The following ATG7 variants were observed in gnomAD, a reference collection of about 807,000 sequenced individuals.
ATG7 encodes autophagy related 7, also known as ubiquitin-like modifier-activating enzyme ATG7.
ATG7 carries 70 observed loss-of-function variants against 82.4 expected under a neutral mutation model. The observed-to-expected ratio is 0.85, with a 90% CI of 0.70 to 1.04. ATG7 has a LOEUF of 1.04. Ranked by LOEUF, ATG7 falls within the 50% of genes least tolerant of loss-of-function variation. The pLI, the probability that ATG7 is intolerant of heterozygous loss-of-function variation, is 0.00. For missense variants in ATG7, 792 were observed against 864.3 expected (o/e 0.92, Z 1.05); for synonymous variants, 287 against 313.0 (o/e 0.92, Z 0.88).
chr3:11,462,741 C>T (rs535333239), intron 20 of ATG7, among the ~76,000 whole-genome samples: 6 of 152,102 alleles, frequency 3.9e-5, no homozygotes, highest in African/African-American at 7.2e-5. Context: ...GCCACCCCCC[C>T]AGGGGCAGTC....
chr3:11,348,747 C>A (rs1404251490), intron 14 of ATG7: 1 of 152,284 alleles, frequency 6.6e-6, no homozygotes, highest in Non-Finnish European at 1.5e-5. Flanking sequence ...TCCCCACCCA[C>A]GTCCTACTGA....
chr3:11,468,776 G>A (rs1014629585), intron 20 of ATG7, among the ~76,000 whole-genome samples: 8 of 152,194 alleles, frequency 5.3e-5, no homozygotes, highest in Admixed American at 2.0e-4. Context: ...TGTTACGTGT[G>A]TGTATTATGG....
chr3:11,307,984 G>A (rs2152708829), intron 6 of ATG7, among the ~76,000 whole-genome samples: 1 of 152,286 alleles, frequency 6.6e-6, no homozygotes, highest in African/African-American at 2.4e-5. Flanking sequence ...CAAAGAATTG[G>A]GTCAGGCCTT....
intron 20 of ATG7, among the ~76,000 whole-genome samples, chr3:11,428,502 C>T (rs972200189): frequency 1.3e-5 from 2 of 152,234 alleles, no homozygotes; most frequent in Admixed American, 1.3e-4. Context: ...GGGCATTAAA[C>T]AGATGCAGTC....
intron 19 of ATG7, among the ~76,000 whole-genome samples, chr3:11,395,716 A>G (rs964315451): frequency 1.3e-5 from 2 of 151,716 alleles, no homozygotes; most frequent in South Asian, 2.1e-4. Flanking sequence ...CGAAGCGGGC[A>G]GATCACGAGG....
intron 18 of ATG7, among the ~76,000 whole-genome samples, chr3:11,376,603 A>G (rs1389088305): frequency 1.3e-5 from 2 of 152,194 alleles, no homozygotes; most frequent in Non-Finnish European, 2.9e-5. Context: ...TTGGGAGGGA[A>G]GTTGTAGTTC....
intron 20 of ATG7, among the ~76,000 whole-genome samples, chr3:11,508,275 C>T (rs979839960): frequency 2.0e-5 from 3 of 149,940 alleles, no homozygotes; most frequent in Non-Finnish European, 4.4e-5. Context: ...CCCTGAGCCA[C>T]GTTGGAAGAA....
Position 11,475,132 on chromosome 3 carries a change from ATATTGT to A in ATG7, c.2079+48218_2079+48223del, listed in dbSNP as rs150623569. Among the ~76,000 whole-genome samples, 523 of 151,980 alleles carry A rather than the reference ATATTGT, an allele frequency of 3.4e-3. 3 individuals carry two copies. Among genetic ancestry groups the A allele is most frequent in the African/African-American group, 0.012 (498 of 41,400 alleles). On this transcript the variant is annotated intron_variant, in intron 20 of 20. Coordinates refer to ENST00000693202, the MANE Select transcript of ATG7 (RefSeq NM_001349232.2). ...GGGTGAATGCTGGGCAAGGTAGATT[ATATTGT>A]TATTGTTATTGACATCATAGACCAG...
chr3:11,574,683 G>A, the ATG7 span, among the ~76,000 whole-genome samples: 1 of 152,120 alleles, frequency 6.6e-6, no homozygotes, highest in African/African-American at 2.4e-5. Flanking sequence ...ATTAATGTTT[G>A]ATGGAGGCTA....
rs1057508388 is a variant in ATG7 at position 11,511,330 on chromosome 3, T to C, written c.2080-43481T>C. On this transcript the variant is annotated intron_variant, in intron 20 of 20. Coordinates refer to ENST00000693202, the MANE Select transcript of ATG7 (RefSeq NM_001349232.2). ...CTGAGCTAGATACAAAGGTTCTCCATGTTCCCATCATATTAGTTAGATACA... is the reference window on the plus strand; with the variant it reads ...CTGAGCTAGATACAAAGGTTCTCCACGTTCCCATCATATTAGTTAGATACA... 5.3e-5 allele frequency among the ~76,000 whole-genome samples: 8 copies of C among 152,294 alleles called. No homozygotes were observed. In the East Asian group the frequency reaches 9.6e-4, roughly 18 times the overall value.
rs2091709788 is a variant in ATG7, at chr3:11,506,383, G to A, written c.2080-48428G>A. Among the ~76,000 whole-genome samples the A allele has an allele frequency of 2.0e-5, 3 of 152,038 alleles. No homozygotes were observed. In the South Asian group the frequency reaches 6.2e-4, roughly 32 times the overall value. The stretch of plus-strand genomic sequence containing the variant: ...CATTTCAAGTGCTTAGTAGCCTCTT[G>A]GCTAGAGGTTACTGTATTGGACAGC... On this transcript the variant is annotated intron_variant, in intron 20 of 20. Transcript: ENST00000693202.
Position 11,444,894 on chromosome 3 carries a change from A to G in ATG7, c.2079+17968A>G, listed in dbSNP as rs559886517. ...AAAAAACCCCATTAAAAAGTGGGCA[A>G]AGGACATAAACACACACTTCTAAAA... On this transcript the variant is annotated intron_variant, in intron 20 of 20. Transcript: ENST00000693202. 1.2e-4 allele frequency among the ~76,000 whole-genome samples: 18 copies of G among 152,362 alleles called. No individual in the cohort carries two copies. In the South Asian group the frequency reaches 3.5e-3, roughly 30 times the overall value.
At chr3:11,487,257 A>G (rs199573059) in intron 20 of ATG7, among the ~76,000 whole-genome samples, 1 of 99,972 alleles carries the variant, frequency 1.0e-5, no homozygotes, top group East Asian at 3.0e-4. Context: ...CACGGCAACC[A>G]TCCGATTTCT....
intron 14 of ATG7, among the ~76,000 whole-genome samples, chr3:11,354,537 T>C (rs1251701919): frequency 6.7e-6 from 1 of 149,780 alleles, no homozygotes; most frequent in African/African-American, 2.5e-5. Context: ...TACTCTCAGC[T>C]ACTTGGGAGG....
chr3:11,327,104 G>C (rs538754914), intron 9 of ATG7, among the ~76,000 whole-genome samples: 5 of 152,308 alleles, frequency 3.3e-5, no homozygotes, highest in African/African-American at 1.2e-4. Flanking sequence ...GAAGCCTGGA[G>C]AAATGTACTA....
intron 3 of ATG7, among the ~76,000 whole-genome samples, chr3:11,292,452 G>T (rs776466142): frequency 6.6e-5 from 10 of 151,942 alleles, no homozygotes; most frequent in Non-Finnish European, 1.0e-4. Context: ...TAGAGATGGG[G>T]TTTCACCATG....
chr3:11,531,626 C>T (rs574864668), intron 20 of ATG7, among the ~76,000 whole-genome samples: 1 of 152,274 alleles, frequency 6.6e-6, no homozygotes, highest in Non-Finnish European at 1.5e-5. Context: ...TAATCCAGCA[C>T]TTTGGGATGC....
chr3:11,449,594 T>C (rs919721114), intron 20 of ATG7, among the ~76,000 whole-genome samples: 1 of 152,100 alleles, frequency 6.6e-6, no homozygotes. Flanking sequence ...TCCCGACCCT[T>C]CCCTTGGGTT....
Position 11,292,650 on chromosome 3 carries a change from C to CAATTGAACAACCCTTGCTG in ATG7, c.-10-6036_-10-6035insAATTGAACAACCCTTGCTG, listed in dbSNP as rs1945177491. 4.9e-3 allele frequency among the ~76,000 whole-genome samples: 55 copies of CAATTGAACAACCCTTGCTG among 11,246 alleles called. 4 individuals are homozygous for CAATTGAACAACCCTTGCTG. The highest frequency in any genetic ancestry group is 0.045 in the Middle Eastern group (1 of 22). The allele number at this position is 11,246 out of a possible 152,430, so 7.4% of individuals were successfully genotyped here. A position where few individuals can be genotyped will look rare whatever the true frequency, so the allele number is the denominator to read the frequency against. On this transcript the variant is annotated intron_variant, in intron 3 of 20. Transcript: ENST00000693202. ...TTAGGGCTTCTGAGAGAATTGAATT[C>CAATTGAACAACCCTTGCTG]CCACCACACCCAGCCTCCTTGTGTG... is the stretch of plus-strand genomic sequence containing the variant.
Sources: gnomAD v4.1 joint callset for allele counts (sites outside exome capture counted in the v4.1 genomes callset) on GRCh38, gnomAD v4.1.1 for gene constraint, MANE v1.5 for transcripts, NCBI Gene and HGNC (gene_info 2026-07-23, HGNC 2026-07-21) for gene names.